ASTN2: variants seen among roughly 807,000 people sequenced by gnomAD.
ASTN2 encodes the protein astrotactin-2.
A neutral mutation model predicts 139.8 loss-of-function variants in ASTN2; 54 were observed. The ratio of observed to expected loss-of-function variants is 0.39; its 90% confidence interval spans 0.31 to 0.48. The LOEUF is 0.48. ASTN2 is among the 20% of genes least tolerant of loss of function. The pLI is 0.95. For synonymous variants in ASTN2, 756 were observed against 719.5 expected (o/e 1.05, Z -0.81); for missense variants, 1,565 against 1,725.1 (o/e 0.91, Z 1.64).
At chr9:117,403,014 C>T (rs1217395894) in intron 1 of ASTN2, among the ~76,000 whole-genome samples, 1 of 152,116 alleles carries the variant, frequency 6.6e-6, no homozygotes, top group Non-Finnish European at 1.5e-5. Context: ...GCTAGAGCCT[C>T]GAGGGAGGAA....
At chr9:117,388,155 T>A (rs1830448726) in intron 1 of ASTN2, among the ~76,000 whole-genome samples, 1 of 152,186 alleles carries the variant, frequency 6.6e-6, no homozygotes, top group South Asian at 2.1e-4. Context: ...AAAATAGGGA[T>A]TTTGAAAACC....
At chr9:117,370,597 A>G (rs565813001) in intron 1 of ASTN2, among the ~76,000 whole-genome samples, 6 of 152,322 alleles carry the variant, frequency 3.9e-5, no homozygotes, top group Non-Finnish European at 5.9e-5. Flanking sequence ...CTATTTTATT[A>G]AATATAAACA....
intron 15 of ASTN2, 66 bp downstream of exon 15, chr9:116,728,926 C>T: frequency 7.4e-7 from 1 of 1,349,628 alleles, no homozygotes; most frequent in Admixed American, 2.0e-5. Flanking sequence ...CTGGCACATG[C>T]TAGGTCCTTG....
chr9:117,297,149 G>A (rs905503466), intron 1 of ASTN2, among the ~76,000 whole-genome samples: 21 of 152,014 alleles, frequency 1.4e-4, no homozygotes, highest in African/African-American at 2.2e-4. Flanking sequence ...CTAACTAACC[G>A]GCCTTCTGAT....
intron 1 of ASTN2, among the ~76,000 whole-genome samples, chr9:117,335,327 C>T (rs1828850043): frequency 6.6e-6 from 1 of 152,166 alleles, no homozygotes; most frequent in Non-Finnish European, 1.5e-5. Flanking sequence ...CTCCAAATTG[C>T]TATGACTTTC....
intron 2 of ASTN2, among the ~76,000 whole-genome samples, chr9:117,230,276 C>A (rs542797358): frequency 6.6e-6 from 1 of 151,804 alleles, no homozygotes; most frequent in Admixed American, 6.6e-5. Context: ...AATGAAGGTA[C>A]AAGCAGGGCC....
chr9:117,227,972 T>C (rs912336779), intron 2 of ASTN2, among the ~76,000 whole-genome samples: 3 of 152,138 alleles, frequency 2.0e-5, no homozygotes, highest in Non-Finnish European at 2.9e-5. Context: ...AGGACTTTAG[T>C]GAAAGAGGGT....
At chr9:116,790,575 A>G (rs776000203) in intron 13 of ASTN2, among the ~76,000 whole-genome samples, 1 of 152,088 alleles carries the variant, frequency 6.6e-6, no homozygotes, top group Non-Finnish European at 1.5e-5. Context: ...CACTTCTTCC[A>G]GGGAGTCTTC....
intron 13 of ASTN2, among the ~76,000 whole-genome samples, chr9:116,793,916 G>T (rs533223892): frequency 3.9e-5 from 6 of 152,198 alleles, no homozygotes; most frequent in African/African-American, 1.4e-4. Flanking sequence ...ATAATGATGA[G>T]CTATTATTTG....
intron 16 of ASTN2, among the ~76,000 whole-genome samples, chr9:116,703,632 C>T (rs1364948270): frequency 6.0e-5 from 9 of 150,814 alleles, no homozygotes; most frequent in South Asian, 2.1e-4. Flanking sequence ...TGCTAGATGA[C>T]GAGTTAGTGG....
chr9:117,289,937 A>T (rs1834545837), intron 2 of ASTN2, among the ~76,000 whole-genome samples: 1 of 152,216 alleles, frequency 6.6e-6, no homozygotes, highest in African/African-American at 2.4e-5. Context: ...CCAAAAAGAG[A>T]AAACTTCTAA....
chr9:117,242,298 C>T (rs971678558), intron 2 of ASTN2, among the ~76,000 whole-genome samples: 19 of 152,038 alleles, frequency 1.2e-4, no homozygotes, highest in Admixed American at 1.2e-3. Flanking sequence ...GAGGCTATAA[C>T]CTATAAATAT....
intron 19 of ASTN2, among the ~76,000 whole-genome samples, chr9:116,603,020 A>C (rs1283098200): frequency 6.6e-6 from 1 of 152,228 alleles, no homozygotes; most frequent in African/African-American, 2.4e-5. Flanking sequence ...CTGATGACTG[A>C]TGATACTTTG....
At chr9:116,526,562 C>T (rs1452048100) in intron 19 of ASTN2, among the ~76,000 whole-genome samples, 1 of 149,448 alleles carries the variant, frequency 6.7e-6, no homozygotes, top group Non-Finnish European at 1.5e-5. Context: ...TCAGAAGTTG[C>T]AGTGAGCTGA....
At chr9:117,404,898 G>T (rs1290209297) in intron 1 of ASTN2, among the ~76,000 whole-genome samples, 2 of 152,102 alleles carry the variant, frequency 1.3e-5, no homozygotes, top group Non-Finnish European at 2.9e-5. Flanking sequence ...AGGGAAGGTG[G>T]AAAGAATAGA....
intron 20 of ASTN2, among the ~76,000 whole-genome samples, chr9:116,462,185 T>C (rs529544379): frequency 6.6e-6 from 1 of 152,294 alleles, no homozygotes; most frequent in African/African-American, 2.4e-5. Context: ...TAAAATGTCC[T>C]CATATGTAAA....
At chr9:117,412,007 T>C (rs868864662) in intron 1 of ASTN2, among the ~76,000 whole-genome samples, 490 of 92,054 alleles carry the variant, frequency 5.3e-3, no homozygotes, top group African/African-American at 9.6e-3. Flanking sequence ...ACCTCACCCC[T>C]CCCCCCCCCA....
intron 2 of ASTN2, among the ~76,000 whole-genome samples, chr9:117,228,298 CA>C (rs1832779191): frequency 6.6e-6 from 1 of 152,112 alleles, no homozygotes; most frequent in Admixed American, 6.5e-5. Context: ...AACAAAGCTG[CA>C]AATCTGCCAG....
chr9:117,094,979 G>C lies in ASTN2; in HGVS notation c.1276+1065C>G, dbSNP rs1287257258. On this transcript the variant is annotated intron_variant, in intron 5 of 22. Coordinates refer to ENST00000313400, the MANE Select transcript of ASTN2 (RefSeq NM_001365068.1). Reference sequence around the variant, plus strand: ...TCTGTGCTTTTGCAGTGTCCACTGTGCATGGATAGAATGCATGCAGCATGG... The same window carrying C: ...TCTGTGCTTTTGCAGTGTCCACTGTCCATGGATAGAATGCATGCAGCATGG... 3.3e-5 allele frequency among the ~76,000 whole-genome samples: 5 copies of C among 152,290 alleles called. No individual in the cohort carries two copies. In the East Asian group the frequency reaches 9.6e-4, roughly 29 times the overall value.
Sources: gnomAD v4.1 joint callset for allele counts (sites outside exome capture counted in the v4.1 genomes callset) on GRCh38, gnomAD v4.1.1 for gene constraint, MANE v1.5 for transcripts, NCBI Gene and HGNC (gene_info 2026-07-23, HGNC 2026-07-21) for gene names.